The following NECTIN3 variants were observed in gnomAD, a reference collection of about 807,000 sequenced individuals.
NECTIN3 encodes nectin cell adhesion molecule 3.
In NECTIN3, 8 loss-of-function variants were observed where a neutral mutation model predicts 49.4. The ratio of observed to expected loss-of-function variants is 0.16; its 90% CI spans 0.10 to 0.29. The LOEUF (loss-of-function observed/expected upper bound fraction) is 0.29, where lower values mean the gene tolerates loss of function less well. Among genes scored for constraint, NECTIN3 ranks in the 10% least tolerant of loss-of-function variants. The pLI is 1.00. For missense variants in NECTIN3, 581 were observed against 654.6 expected (o/e 0.89, Z 1.23); for synonymous variants, 277 against 241.1 (o/e 1.15, Z -1.38).
At chr3:111,118,158 T>C (rs2033767684) in intron 2 of NECTIN3, among the ~76,000 whole-genome samples, 1 of 149,030 alleles carries the variant, frequency 6.7e-6, no homozygotes. Context: ...AGAAGAACTT[T>C]TTTTATTTCT....
chr3:111,153,841 T>G (rs905420862), intron 7 of NECTIN3, among the ~76,000 whole-genome samples: 1 of 152,114 alleles, frequency 6.6e-6, no homozygotes, highest in African/African-American at 2.4e-5. Flanking sequence ...ATTTATCAAA[T>G]AACTATTTCT....
chr3:111,120,431 A>G (rs1576127900), intron 3 of NECTIN3, among the ~76,000 whole-genome samples: 1 of 152,188 alleles, frequency 6.6e-6, no homozygotes, highest in African/African-American at 2.4e-5. Flanking sequence ...GCACAAATTT[A>G]TACCTCAATA....
intron 7 of NECTIN3, among the ~76,000 whole-genome samples, chr3:111,154,309 A>G (rs1308232676): frequency 6.6e-6 from 1 of 152,108 alleles, no homozygotes; most frequent in Non-Finnish European, 1.5e-5. Flanking sequence ...TTCACTCTAC[A>G]TAGTGATTTT....
intron 7 of NECTIN3, among the ~76,000 whole-genome samples, chr3:111,178,704 G>T (rs566524890): frequency 2.6e-5 from 4 of 152,290 alleles, no homozygotes; most frequent in African/African-American, 9.6e-5. Context: ...TATGCCATCT[G>T]CCCTCTCAAA....
chr3:111,123,474 A>C (rs181303201), intron 4 of NECTIN3, among the ~76,000 whole-genome samples: 364 of 152,272 alleles, frequency 2.4e-3, no homozygotes, highest in African/African-American at 8.3e-3. Context: ...TAGAGTAATC[A>C]GGTAGAGATG....
At chr3:111,074,124 C>T (rs1456598723) in intron 1 of NECTIN3, 1 of 439,426 alleles carries the variant, frequency 2.3e-6, no homozygotes, top group East Asian at 7.0e-5. Flanking sequence ...TGTTATAACA[C>T]CCTAATTTGT....
chr3:111,125,397 GT>G (rs991615463), intron 4 of NECTIN3, among the ~76,000 whole-genome samples: 1 of 151,858 alleles, frequency 6.6e-6, no homozygotes, highest in African/African-American at 2.4e-5. Flanking sequence ...CTTATTTGTT[GT>G]TTTTTTTGTT....
intron 1 of NECTIN3, among the ~76,000 whole-genome samples, chr3:111,093,873 A>T (rs1475200397): frequency 6.6e-6 from 1 of 152,244 alleles, no homozygotes; most frequent in African/African-American, 2.4e-5. Context: ...AAAACAACGT[A>T]AACAATTGTT....
chr3:111,073,848 T>C (rs1280218518), intron 1 of NECTIN3, among the ~76,000 whole-genome samples: 2 of 152,240 alleles, frequency 1.3e-5, no homozygotes, highest in Non-Finnish European at 2.9e-5. Context: ...TTCTTAGTGG[T>C]TGTGAAAATG....
intron 7 of NECTIN3, among the ~76,000 whole-genome samples, chr3:111,159,481 T>G (rs1289847296): frequency 6.6e-6 from 1 of 152,184 alleles, no homozygotes; most frequent in East Asian, 1.9e-4. Context: ...TAGTTTTTTT[T>G]GTTTGTTTTT....
chr3:111,146,212 A>T (rs1013462117), intron 6 of NECTIN3, among the ~76,000 whole-genome samples: 2 of 152,080 alleles, frequency 1.3e-5, no homozygotes, highest in Non-Finnish European at 2.9e-5. Context: ...AGGCGGGCGG[A>T]TCACGAGGTC....
chr3:111,079,295 A>G (rs1392627906), intron 1 of NECTIN3, among the ~76,000 whole-genome samples: 1 of 152,006 alleles, frequency 6.6e-6, no homozygotes, highest in East Asian at 1.9e-4. Flanking sequence ...TATGGTGGCT[A>G]TTTTGAAACT....
chr3:111,074,360 G>T (rs1251369701), intron 1 of NECTIN3: 6 of 362,326 alleles, frequency 1.7e-5, no homozygotes, highest in African/African-American at 1.3e-4. Context: ...TAATATTTGC[G>T]TGGAGCCAGT....
chr3:111,136,141 CT>C lies in NECTIN3; in HGVS notation c.*1933del. 1 of 983,010 alleles carries C rather than the reference CT, an allele frequency of 1.0e-6. No individual in the cohort carries two copies. Among genetic ancestry groups the C allele is most frequent in the Non-Finnish European group, 1.2e-6 (1 of 828,100 alleles). The allele number at this position is 983,010 out of a possible 1,614,324, so 60.9% of individuals were successfully genotyped here. A position where few individuals can be genotyped will look rare whatever the true frequency, so the allele number is the denominator to read the frequency against. On this transcript the variant is annotated 3_prime_UTR_variant, in exon 6 of 6. Transcript: ENST00000485303. The stretch of plus-strand genomic sequence containing the variant: ...CCCCATGAAAGATGTAAAACTATGG[CT>C]TTTTTTAAAATCAAAATTTCATCTT...
At chr3:111,077,665 A>G (rs189918807) in intron 1 of NECTIN3, among the ~76,000 whole-genome samples, 6 of 152,330 alleles carry the variant, frequency 3.9e-5, no homozygotes, top group Non-Finnish European at 1.5e-5. Context: ...GAAAGACAAC[A>G]TCAGATAATT....
chr3:111,086,577 T>C (rs2031943848), intron 1 of NECTIN3, among the ~76,000 whole-genome samples: 1 of 152,202 alleles, frequency 6.6e-6, no homozygotes, highest in Admixed American at 6.5e-5. Context: ...TGGAGTTTTT[T>C]GGACTCTGTT....
chr3:111,122,027 C>G, intron 3 of NECTIN3, 94 bp from the exon 4 acceptor site: 1 of 867,616 alleles, frequency 1.2e-6, no homozygotes, highest in Non-Finnish European at 1.8e-6. Context: ...TCCTGTTATT[C>G]TAAGGCTTTG....
Position 111,097,068 on chromosome 3 carries a change from G to A in NECTIN3, c.161-14962G>A, listed in dbSNP as rs72937905. On this transcript the variant is annotated intron_variant, in intron 1 of 5. Transcript: ENST00000485303. The stretch of plus-strand genomic sequence containing the variant: ...AGCTGCAGACACTCAATGCCAGCCC[G>A]TGAAAGCCGGGAGGGAGGCTGTACC... 3.9e-5 allele frequency among the ~76,000 whole-genome samples: 6 copies of A among 152,292 alleles called. No individual in the cohort carries two copies. The East Asian group carries it at 5.8e-4, about 15-fold the overall frequency.
chr3:111,147,426 A>G (rs1405792982), exon 7 of NECTIN3: 1 of 1,533,514 alleles, frequency 6.5e-7, no homozygotes. Context: ...CCCACACATA[A>G]ACCACCTCCT....
Sources: allele counts gnomAD v4.1 joint callset (sites outside exome capture counted in the v4.1 genomes callset), GRCh38; gene constraint gnomAD v4.1.1; transcripts MANE v1.5; gene names NCBI Gene and HGNC (gene_info 2026-07-23, HGNC 2026-07-21).